Variants in MYBPC1 observed in about 807,000 individuals in gnomAD.
The protein encoded by MYBPC1 is myosin-binding protein C, slow-type.
A neutral mutation model predicts 147.1 loss-of-function variants in MYBPC1; 52 were observed. That is an observed-to-expected ratio of 0.35 (90% CI 0.28 to 0.45). The LOEUF is 0.45. Ranked by LOEUF, MYBPC1 falls within the 20% of genes least tolerant of loss-of-function variation. The pLI is 1.00. For missense variants in MYBPC1, 1,228 were observed against 1,440.3 expected, an observed-to-expected ratio of 0.85 and a Z score of 2.39; for synonymous variants, 477 against 475.9, an observed-to-expected ratio of 1.00 and a Z score of -0.03.
At position 101,644,785 on chromosome 12, in the gene MYBPC1, A is replaced by G; in HGVS notation, c.954A>G (p.Arg318=). Residue 318 remains arginine, a synonymous_variant, in exon 12 of 32, where the codon CGA becomes CGG. Transcript: ENST00000361466. ...VKWYKNGQEI[R]PSTKYIFEHK... ...GGTATAAAAATGGTCAAGAAATTCG[A>G]CCCAGTACCAAGTAAGTGGGCTTTG... 1 of 1,613,794 alleles carries G rather than the reference A, an allele frequency of 6.2e-7. No homozygotes were observed. Among genetic ancestry groups the G allele is most frequent in the Non-Finnish European group, 8.5e-7 (1 of 1,179,806 alleles).
chr12:101,650,621 A>T (rs1482062731), intron 15 of MYBPC1, among the ~76,000 whole-genome samples: 1 of 152,192 alleles, frequency 6.6e-6, no homozygotes, highest in Non-Finnish European at 1.5e-5. Flanking sequence ...CTCCCATGAC[A>T]TGTGAGGATT....
chr12:101,649,270 G>C lies in MYBPC1; in HGVS notation c.1207G>C (p.Gly403Arg), dbSNP rs1221775598. The part of the protein sequence containing the change: ...DDANVKWFKN[G>R]EEIIPGPKSR... The stretch of plus-strand genomic sequence containing the variant: ...TTTATCTTAATTCAGGTTTAAGAAT[G>C]GTGAAGAGATTATCCCTGGTCCAAA... The change falls in exon 15 of 32, where the codon GGT becomes CGT. Residue 403 changes from glycine (G) to arginine (R), a missense_variant. Gly to Arg is a moderately radical substitution (Grantham distance 125). This residue lies in a region of MYBPC1 where 1,077 missense variants were observed against 1,314.2 expected (regional missense o/e 0.82). Coordinates refer to ENST00000361466, the MANE Select transcript of MYBPC1 (RefSeq NM_002465.4). 6.2e-7 allele frequency: 1 copy of C among 1,613,202 alleles called. No homozygotes were observed. Among genetic ancestry groups the C allele is most frequent in the South Asian group, 1.1e-5 (1 of 91,046 alleles).
chr12:101,632,232 G>A, intron 8 of MYBPC1, 94 bp downstream of exon 8: 1 of 931,920 alleles, frequency 1.1e-6, no homozygotes, highest in Non-Finnish European at 1.8e-6. Flanking sequence ...TGAGATTTCA[G>A]AGAAAGTTTT....
intron 28 of MYBPC1, 94 bp downstream of exon 28, chr12:101,678,332 T>C (rs1900491746): frequency 1.4e-5 from 22 of 1,539,646 alleles, no homozygotes; most frequent in East Asian, 2.2e-5. Flanking sequence ...CAGCTGCTAC[T>C]TGTGTCTTCC....
At chr12:101,633,226 A>G (rs970103309) in intron 8 of MYBPC1, among the ~76,000 whole-genome samples, 1 of 152,118 alleles carries the variant, frequency 6.6e-6, no homozygotes, top group Non-Finnish European at 1.5e-5. Flanking sequence ...ACCACACCCT[A>G]TCCAGCTTGA....
intron 1 of MYBPC1, among the ~76,000 whole-genome samples, chr12:101,605,200 C>T (rs1032035202): frequency 6.6e-6 from 1 of 152,164 alleles, no homozygotes; most frequent in East Asian, 1.9e-4. Flanking sequence ...GTAGGTGTTA[C>T]TAGACACTAT....
intron 8 of MYBPC1, 86 bp from the exon 9 acceptor site, chr12:101,634,468 A>G (rs1890598148): frequency 1.8e-6 from 2 of 1,116,360 alleles, no homozygotes; most frequent in Non-Finnish European, 1.4e-6. Flanking sequence ...TCTTCCATCT[A>G]AAGAATCCCC....
rs61935698 is a variant in MYBPC1, at chr12:101,644,752, G to A, written c.921G>A (p.Glu307=). 8.1e-6 allele frequency: 13 copies of A among 1,614,072 alleles called. No homozygotes were observed. The East Asian group carries it at 2.5e-4, about 30-fold the overall frequency. ...FVVELADPKL[E]VKWYKNGQEI... ...TGGAGCTGGCAGATCCAAAGTTGGA[G>A]GTGAAATGGTATAAAAATGGTCAAG... The change falls in exon 12 of 32, where the codon GAG becomes GAA. Residue 307 remains glutamate (E), a synonymous_variant. Transcript: ENST00000361466.
chr12:101,678,173 G>T lies in MYBPC1; in HGVS notation c.3181G>T (p.Val1061Phe), dbSNP rs571128357. The T allele has an allele frequency of 6.2e-7, 1 of 1,614,082 alleles. No homozygotes were observed. Among genetic ancestry groups the T allele is most frequent in the Non-Finnish European group, 8.5e-7 (1 of 1,179,958 alleles). ...SEAPMFTQPL[V>F]NTYAIAGYNA... ...GGCACCCATGTTTACTCAGCCTTTG[G>T]TTAACACCTATGCCATAGCTGGTTA... The change falls in exon 28 of 32, where the codon GTT becomes TTT. Residue 1061 changes from valine (V) to phenylalanine (F), a missense_variant. This residue lies in a region of MYBPC1 where 1,077 missense variants were observed against 1,314.2 expected (regional missense o/e 0.82). Coordinates refer to ENST00000361466, the MANE Select transcript of MYBPC1 (RefSeq NM_002465.4).
intron 29 of MYBPC1, among the ~76,000 whole-genome samples, chr12:101,681,250 C>T (rs1457065308): frequency 1.3e-5 from 2 of 151,844 alleles, no homozygotes; most frequent in Non-Finnish European, 2.9e-5. Context: ...TTTTTCTTTA[C>T]AAGCAGAACC....
At chr12:101,666,291 G>T in intron 22 of MYBPC1, 1 of 195,656 alleles carries the variant, frequency 5.1e-6, no homozygotes, top group East Asian at 1.2e-4. Flanking sequence ...CACTGTGGGA[G>T]CACCGTGTTC....
At chr12:101,655,950 A>C (rs1267373048) in intron 18 of MYBPC1, among the ~76,000 whole-genome samples, 3 of 152,188 alleles carry the variant, frequency 2.0e-5, no homozygotes, top group Non-Finnish European at 4.4e-5. Context: ...TGATAAAAGC[A>C]ACAATGTATT....
chr12:101,669,454 T>C (rs1898109426), intron 23 of MYBPC1, among the ~76,000 whole-genome samples: 1 of 152,220 alleles, frequency 6.6e-6, no homozygotes, highest in South Asian at 2.1e-4. Context: ...TTGCCTATTA[T>C]GTACTTCACC....
At chr12:101,672,857 A>T (rs73388477) in intron 24 of MYBPC1, among the ~76,000 whole-genome samples, 4,155 of 152,256 alleles carry the variant, frequency 0.027, 196 homozygotes, top group African/African-American at 0.094. Flanking sequence ...AAAAAAAAAA[A>T]TTTAGATGAT....
intron 3 of MYBPC1, among the ~76,000 whole-genome samples, chr12:101,623,996 T>G (rs1296371903): frequency 6.6e-6 from 1 of 151,948 alleles, no homozygotes; most frequent in Non-Finnish European, 1.5e-5. Context: ...GTTTGGGAGG[T>G]GCTAACGACC....
At chr12:101,686,210 G>A (rs184476251), downstream of MYBPC1, among the ~76,000 whole-genome samples, 1 of 152,312 alleles carries the variant, frequency 6.6e-6, no homozygotes, top group African/African-American at 2.4e-5. Flanking sequence ...CAGTAGAAGG[G>A]ATGGTACAAC....
At chr12:101,659,338 T>C (rs1323769997) in intron 18 of MYBPC1, among the ~76,000 whole-genome samples, 1 of 152,198 alleles carries the variant, frequency 6.6e-6, no homozygotes, top group Admixed American at 6.5e-5. Flanking sequence ...CCTCCAATTT[T>C]CTCTTGGGAA....
intron 1 of MYBPC1, among the ~76,000 whole-genome samples, chr12:101,601,745 T>A (rs1402658981): frequency 1.3e-5 from 2 of 152,204 alleles, no homozygotes; most frequent in Admixed American, 1.3e-4. Flanking sequence ...TTTTGATGTG[T>A]ATTTAGCTAT....
rs562224619 is a variant in MYBPC1, at chr12:101,627,505, A to G, written c.143-264A>G. On this transcript the variant is annotated intron_variant, in intron 4 of 31. Coordinates refer to ENST00000361466, the MANE Select transcript of MYBPC1 (RefSeq NM_002465.4). ...TGATCCACCCACTTTGGCCTCCCAA[A>G]GTGCTGGGATTACAGGCATGAACCA... 3.9e-5 allele frequency among the ~76,000 whole-genome samples: 6 copies of G among 152,276 alleles called. No homozygotes were observed. In the East Asian group the frequency reaches 7.7e-4, roughly 20 times the overall value.
Sources: allele counts gnomAD v4.1 joint callset (sites outside exome capture counted in the v4.1 genomes callset), GRCh38; gene constraint gnomAD v4.1.1; regional missense constraint gnomAD v4.1.1; transcripts MANE v1.5; gene names NCBI Gene and HGNC (gene_info 2026-07-23, HGNC 2026-07-21).